ATRNL1: variants seen among roughly 807,000 people sequenced by gnomAD.
The protein encoded by ATRNL1 is attractin-like protein 1.
Under a neutral mutation model 182.7 loss-of-function variants are expected in ATRNL1, and 95 were observed. The observed-to-expected ratio is 0.52, with a 90% CI of 0.44 to 0.62. The LOEUF is 0.62. ATRNL1 is among the 20% of genes least tolerant of loss of function. The pLI, the probability that ATRNL1 is intolerant of heterozygous loss-of-function variation, is 0.00. For missense variants in ATRNL1, 1,471 were observed against 1,679.5 expected, an observed-to-expected ratio of 0.88 and a Z score of 2.17; for synonymous variants, 576 against 568.3, an observed-to-expected ratio of 1.01 and a Z score of -0.19.
intron 27 of ATRNL1, among the ~76,000 whole-genome samples, chr10:115,800,916 C>T (rs79361837): frequency 0.045 from 6,782 of 152,278 alleles, 438 homozygotes; most frequent in African/African-American, 0.14. Flanking sequence ...GTCTATGACA[C>T]TGTGTTGTAG....
intron 27 of ATRNL1, among the ~76,000 whole-genome samples, chr10:115,776,627 G>T (rs550654295): frequency 2.1e-5 from 3 of 142,026 alleles, no homozygotes; most frequent in African/African-American, 9.1e-5. Context: ...CTAGAGGCTC[G>T]TACATCTTAA....
intron 1 of ATRNL1, among the ~76,000 whole-genome samples, 186 bp downstream of exon 1, chr10:115,094,229 C>T (rs1321570495): frequency 6.6e-6 from 1 of 151,402 alleles, no homozygotes; most frequent in Non-Finnish European, 1.5e-5. Context: ...AGCCCCGGGG[C>T]GCCCCGGGAG....
intron 28 of ATRNL1, among the ~76,000 whole-genome samples, chr10:115,892,106 T>A (rs1322866628): frequency 4.6e-5 from 7 of 152,206 alleles, no homozygotes; most frequent in African/African-American, 1.7e-4. Context: ...TTGTTGTTGT[T>A]ATATTACTCT....
At chr10:115,631,173 C>T (rs1452777775) in intron 26 of ATRNL1, among the ~76,000 whole-genome samples, 2 of 151,840 alleles carry the variant, frequency 1.3e-5, no homozygotes, top group African/African-American at 2.4e-5. Context: ...AGTATAGTTA[C>T]TAATATTGTA....
At chr10:115,398,220 G>T (rs1241716524) in intron 20 of ATRNL1, among the ~76,000 whole-genome samples, 4 of 151,976 alleles carry the variant, frequency 2.6e-5, no homozygotes, top group Non-Finnish European at 4.4e-5. Flanking sequence ...ATTGGCAGCC[G>T]CAGTGGGCAG....
At chr10:115,434,371 A>T (rs1846305475) in intron 21 of ATRNL1, among the ~76,000 whole-genome samples, 1 of 152,144 alleles carries the variant, frequency 6.6e-6, no homozygotes, top group African/African-American at 2.4e-5. Context: ...GTAATACTCA[A>T]ATGGGAAGGG....
At position 115,334,261 on chromosome 10, in the gene ATRNL1, GC is replaced by G; in HGVS notation, c.3038-20del. 1 of 1,435,602 alleles carries G rather than the reference GC, an allele frequency of 7.0e-7. No homozygotes were observed. The highest frequency in any genetic ancestry group is 9.4e-7 in the Non-Finnish European group (1 of 1,063,308). The allele number at this position is 1,435,602 out of a possible 1,614,324, so 88.9% of individuals were successfully genotyped here. On this transcript the variant is annotated intron_variant, in intron 18 of 28. Coordinates refer to ENST00000355044, the MANE Select transcript of ATRNL1 (RefSeq NM_207303.4). ...TGATATTATGTTAGATATTTGTAAT[GC>G]TTTTTACTGTTTCCTTTAGCTTGCC...
intron 9 of ATRNL1, among the ~76,000 whole-genome samples, chr10:115,227,063 A>C (rs555882105): frequency 1.3e-5 from 2 of 152,284 alleles, no homozygotes; most frequent in East Asian, 1.9e-4. Flanking sequence ...CAAAAACAAA[A>C]ATTGACAAGT....
At chr10:115,121,278 A>T (rs1287857712) in intron 2 of ATRNL1, among the ~76,000 whole-genome samples, 1 of 152,098 alleles carries the variant, frequency 6.6e-6, no homozygotes, top group Admixed American at 6.5e-5. Context: ...ATGCGCAGCT[A>T]ATTTTTGTAT....
At chr10:115,898,445 A>G (rs1385017084) in intron 28 of ATRNL1, among the ~76,000 whole-genome samples, 1 of 152,154 alleles carries the variant, frequency 6.6e-6, no homozygotes, top group Non-Finnish European at 1.5e-5. Context: ...GGGCTGTCCC[A>G]TCTCCAAGAC....
In ATRNL1 at chr10:115,118,362, T is replaced by A. The variant is rs371482266; in HGVS notation, c.294-1823T>A. On this transcript the variant is annotated intron_variant, in intron 1 of 28. Coordinates refer to ENST00000355044, the MANE Select transcript of ATRNL1 (RefSeq NM_207303.4). ...CCTGTTATTATGCTAGACATTTTATTTGAAAATTATTGATAGAAATAATTT... is the reference window on the plus strand; with the variant it reads ...CCTGTTATTATGCTAGACATTTTATATGAAAATTATTGATAGAAATAATTT... Among the ~76,000 whole-genome samples, 24 of 152,244 alleles carry A rather than the reference T, an allele frequency of 1.6e-4. 1 individual carries two copies. The highest frequency in any genetic ancestry group is 5.3e-4 in the African/African-American group (22 of 41,560).
intron 28 of ATRNL1, among the ~76,000 whole-genome samples, chr10:115,943,482 C>T (rs1555124743): frequency 6.6e-6 from 1 of 152,154 alleles, no homozygotes; most frequent in Non-Finnish European, 1.5e-5. Context: ...TACTGCCACA[C>T]ACCTATTAGA....
At chr10:115,186,739 G>A (rs190430727) in intron 8 of ATRNL1, among the ~76,000 whole-genome samples, 27 of 152,122 alleles carry the variant, frequency 1.8e-4, no homozygotes, top group African/African-American at 6.5e-4. Flanking sequence ...GGTGCAGAAA[G>A]TATATATACA....
chr10:115,589,871 G>T (rs1855799499), intron 26 of ATRNL1, among the ~76,000 whole-genome samples: 1 of 152,160 alleles, frequency 6.6e-6, no homozygotes. Flanking sequence ...GTTAGTACCA[G>T]TTTTGTCAGA....
At chr10:115,726,966 C>T (rs1555060297) in intron 26 of ATRNL1, among the ~76,000 whole-genome samples, 1 of 151,940 alleles carries the variant, frequency 6.6e-6, no homozygotes, top group Non-Finnish European at 1.5e-5. Context: ...CACCTCTCAC[C>T]CGAGGCTTTC....
Position 115,134,413 on chromosome 10 carries a change from A to G in ATRNL1, c.829+4878A>G, listed in dbSNP as rs370282938. ...ATCAGAGAATACTATAAACACCTCT[A>G]TGCAAATGAACTAGAAAATCTAGAA... is the stretch of plus-strand genomic sequence containing the variant. On this transcript the variant is annotated intron_variant, in intron 5 of 28. Transcript: ENST00000355044. Among the ~76,000 whole-genome samples, 25 of 152,368 alleles carry G rather than the reference A, an allele frequency of 1.6e-4. No homozygotes were observed. In the East Asian group the frequency reaches 4.2e-3, roughly 26 times the overall value.
At chr10:115,140,458 G>C (rs1317196221) in intron 5 of ATRNL1, among the ~76,000 whole-genome samples, 1 of 152,170 alleles carries the variant, frequency 6.6e-6, no homozygotes, top group Non-Finnish European at 1.5e-5. Context: ...ACTAGATGTA[G>C]GGGTAGACAG....
intron 22 of ATRNL1, 53 bp from the exon 23 acceptor site, chr10:115,467,121 A>G (rs1848087287): frequency 2.1e-6 from 2 of 950,218 alleles, no homozygotes; most frequent in Non-Finnish European, 3.4e-6. Context: ...ACTAAATCAT[A>G]TATATCTAGT....
At chr10:115,716,350 T>A (rs1947251896) in intron 26 of ATRNL1, among the ~76,000 whole-genome samples, 1 of 152,138 alleles carries the variant, frequency 6.6e-6, no homozygotes, top group Admixed American at 6.6e-5. Flanking sequence ...ATCTTTAATA[T>A]ATGTATTGAT....
Sources: allele counts gnomAD v4.1 joint callset (sites outside exome capture counted in the v4.1 genomes callset), GRCh38; gene constraint gnomAD v4.1.1; transcripts MANE v1.5; gene names NCBI Gene and HGNC (gene_info 2026-07-23, HGNC 2026-07-21).